The following NBAS variants were observed in gnomAD, a reference collection of about 807,000 sequenced individuals.
The protein encoded by NBAS is NAG/BC035112 fusion.
NBAS carries 219 observed loss-of-function variants against 302.5 expected under a neutral mutation model. The observed-to-expected ratio is 0.72, with a 90% confidence interval of 0.65 to 0.81. NBAS has a LOEUF of 0.81. Among genes scored for constraint, NBAS ranks in the 30% least tolerant of loss-of-function variants. The pLI is 0.00. For synonymous variants in NBAS, 1,118 were observed against 1,021.6 expected (o/e 1.09, Z -1.80); for missense variants, 2,932 against 2,841.6 (o/e 1.03, Z -0.72).
the NBAS span, among the ~76,000 whole-genome samples, chr2:14,995,556 C>A: frequency 6.6e-6 from 1 of 152,204 alleles, no homozygotes; most frequent in African/African-American, 2.4e-5. Flanking sequence ...GAATAGGCTT[C>A]CCCATTCCGT....
At chr2:15,461,965 T>G (rs1401405058) in intron 19 of NBAS, among the ~76,000 whole-genome samples, 174 bp from the exon 20 acceptor site, 1 of 152,244 alleles carries the variant, frequency 6.6e-6, no homozygotes, top group East Asian at 1.9e-4. Flanking sequence ...TGCCTTTATT[T>G]TGGAAAGGGC....
Position 15,489,010 on chromosome 2 carries a change from T to C in NBAS, c.967A>G (p.Lys323Glu). 1 of 1,613,534 alleles carries C rather than the reference T, an allele frequency of 6.2e-7. No homozygotes were observed. The highest frequency in any genetic ancestry group is 8.5e-7 in the Non-Finnish European group (1 of 1,179,630). The stretch of plus-strand genomic sequence containing the variant: ...ATCCCATCTGGAGAAAGGCTCATCT[T>C]AAAAATTCCATCCTAAATAAGAATC... ...RQGQEQDGIFKMSLSPDGMLL... is the reference protein window; with the variant it reads ...RQGQEQDGIFEMSLSPDGMLL... The change falls in exon 12 of 52, where the codon AAG becomes GAG. Residue 323 changes from lysine (K) to glutamate (E), a missense_variant. Coordinates refer to ENST00000281513, the MANE Select transcript of NBAS (RefSeq NM_015909.4).
intron 39 of NBAS, among the ~76,000 whole-genome samples, chr2:15,308,642 A>G (rs1430306861): frequency 6.6e-6 from 1 of 152,140 alleles, no homozygotes; most frequent in Non-Finnish European, 1.5e-5. Context: ...AGAGGAGGAA[A>G]CCCTTTATTT....
At chr2:14,783,737 T>G in the NBAS span, among the ~76,000 whole-genome samples, 1 of 152,070 alleles carries the variant, frequency 6.6e-6, no homozygotes, top group South Asian at 2.1e-4. Context: ...ACATTTGGGT[T>G]GGTTCCAAGT....
At chr2:15,071,106 T>C in the NBAS span, among the ~76,000 whole-genome samples, 20 of 152,216 alleles carry the variant, frequency 1.3e-4, no homozygotes, top group Middle Eastern at 3.4e-3. Context: ...TAATGTGACA[T>C]CAACACTCCT....
At chr2:15,316,999 G>T (rs1671545808) in intron 38 of NBAS, among the ~76,000 whole-genome samples, 1 of 152,152 alleles carries the variant, frequency 6.6e-6, no homozygotes, top group African/African-American at 2.4e-5. Context: ...TCATACAGGG[G>T]GTGCCACTCT....
At chr2:15,518,399 T>C (rs2287273) in intron 9 of NBAS, among the ~76,000 whole-genome samples, 96,956 of 152,032 alleles carry the variant, frequency 0.64, 31,642 homozygotes, top group Non-Finnish European at 0.68. Flanking sequence ...TTAAATTCCT[T>C]CACCTGGAAT....
At chr2:15,296,493 T>C (rs1224169232) in intron 40 of NBAS, among the ~76,000 whole-genome samples, 2 of 151,786 alleles carry the variant, frequency 1.3e-5, no homozygotes, top group East Asian at 3.9e-4. Flanking sequence ...GCTACTGCAC[T>C]CCAGCCTGGG....
chr2:15,423,144 A>G (rs547050067), intron 23 of NBAS, among the ~76,000 whole-genome samples: 1 of 152,338 alleles, frequency 6.6e-6, no homozygotes, highest in South Asian at 2.1e-4. Context: ...CCTGTGCAAG[A>G]CGTTCATTCT....
the NBAS span, among the ~76,000 whole-genome samples, chr2:15,129,240 C>T: frequency 6.6e-6 from 1 of 152,266 alleles, no homozygotes; most frequent in Non-Finnish European, 1.5e-5. Flanking sequence ...CTCCTTTAAA[C>T]TCCCCTGTTG....
At chr2:14,836,362 C>T in the NBAS span, among the ~76,000 whole-genome samples, 4 of 151,698 alleles carry the variant, frequency 2.6e-5, no homozygotes, top group African/African-American at 9.7e-5. Flanking sequence ...AAATAAGCTA[C>T]CCCAAAGATA....
At chr2:15,379,855 T>C (rs1674947257) in intron 29 of NBAS, 24 bp from the exon 30 acceptor site, 1 of 1,598,480 alleles carries the variant, frequency 6.3e-7, no homozygotes. Flanking sequence ...GAAACTGGAA[T>C]TAGTTATAGA....
At chr2:15,154,367 G>A in the NBAS span, among the ~76,000 whole-genome samples, 22,520 of 152,098 alleles carry the variant, frequency 0.15, 1,968 homozygotes, top group East Asian at 0.25. Context: ...ATGCTGTAGC[G>A]GGACAGAGTT....
chr2:15,145,393 TTGTTTGTATG>T, the NBAS span, among the ~76,000 whole-genome samples: 1 of 107,510 alleles, frequency 9.3e-6, no homozygotes, highest in African/African-American at 3.7e-5. Flanking sequence ...ATGTATGTGT[TTGTTTGTATG>T]TGTGTGTGTG....
At chr2:15,553,794 C>T (rs919622515) in intron 4 of NBAS, among the ~76,000 whole-genome samples, 11 of 124,896 alleles carry the variant, frequency 8.8e-5, no homozygotes, top group Non-Finnish European at 1.7e-4. Context: ...CTCTCCCTCC[C>T]TCCCTCTCTC....
chr2:15,182,159 C>G (rs1422615039), intron 50 of NBAS, among the ~76,000 whole-genome samples: 2 of 152,230 alleles, frequency 1.3e-5, no homozygotes, highest in Non-Finnish European at 2.9e-5. Context: ...TTCTCCAGAG[C>G]CTCTCAGGTT....
At chr2:15,483,141 A>G (rs1175333481) in intron 12 of NBAS, 8 of 154,228 alleles carry the variant, frequency 5.2e-5, no homozygotes. Flanking sequence ...GCCTCCAACA[A>G]CATAAAAGCA....
At chr2:15,075,951 T>C in the NBAS span, among the ~76,000 whole-genome samples, 1 of 152,228 alleles carries the variant, frequency 6.6e-6, no homozygotes, top group Non-Finnish European at 1.5e-5. Flanking sequence ...ATGAACACGT[T>C]TTTACTTTTA....
chr2:15,045,250 AG>A, the NBAS span, among the ~76,000 whole-genome samples: 1 of 152,238 alleles, frequency 6.6e-6, no homozygotes, highest in East Asian at 1.9e-4. Context: ...ACAGGGCGAC[AG>A]TGAAGAGAAT....
Sources: gnomAD v4.1 joint callset for allele counts (sites outside exome capture counted in the v4.1 genomes callset) on GRCh38, gnomAD v4.1.1 for gene constraint, MANE v1.5 for transcripts, NCBI Gene and HGNC (gene_info 2026-07-23, HGNC 2026-07-21) for gene names.